The following MYMK variants were observed in gnomAD, a reference collection of about 807,000 sequenced individuals.
MYMK encodes protein myomaker.
A neutral mutation model predicts 22.4 loss-of-function variants in MYMK; 16 were observed. That is an observed-to-expected ratio of 0.72 (90% confidence interval 0.48 to 1.09). The LOEUF (loss-of-function observed/expected upper bound fraction) is 1.09, where lower values mean the gene tolerates loss of function less well. MYMK is among the 50% of genes least tolerant of loss of function. MYMK has a pLI of 0.00. For synonymous variants in MYMK, 125 were observed against 127.0 expected (o/e 0.98, Z 0.11); for missense variants, 250 against 295.6 (o/e 0.85, Z 1.13).
Position 133,515,288 on chromosome 9 carries a change from C to A in MYMK, c.516+203G>T, listed in dbSNP as rs1220399027. Among the ~76,000 whole-genome samples the A allele has an allele frequency of 6.6e-6, 1 of 152,186 alleles. No individual in the cohort carries two copies. Among genetic ancestry groups the A allele is most frequent in the South Asian group, 2.1e-4 (1 of 4,826 alleles). The stretch of plus-strand genomic sequence containing the variant: ...GGTCTCTGTGACCTCCAGGTCCACA[C>A]AGGCCATGGTGCTGGTGGTGCTGGG... On this transcript the variant is annotated intron_variant, in intron 4 of 4. Transcript: ENST00000339996. The surrounding 1 kb of genome is among the most constrained non-coding windows in gnomAD (Gnocchi z 5.8).
intron 3 of MYMK, among the ~76,000 whole-genome samples, chr9:133,518,192 CTT>C (rs1421043935): frequency 1.3e-5 from 2 of 152,174 alleles, no homozygotes; most frequent in African/African-American, 4.8e-5. Flanking sequence ...CCCTCTTTAG[CTT>C]GGGCGAGTTT....
intron 1 of MYMK, among the ~76,000 whole-genome samples, chr9:133,522,904 G>A (rs892522795): frequency 6.6e-6 from 1 of 152,324 alleles, no homozygotes; most frequent in Middle Eastern, 3.4e-3. Context: ...TGTCTCTCTG[G>A]GATTTGGTTT....
chr9:133,517,596 G>T (rs929838104), intron 3 of MYMK, among the ~76,000 whole-genome samples: 2 of 151,938 alleles, frequency 1.3e-5, no homozygotes, highest in African/African-American at 4.8e-5. Context: ...AACCCGGGAG[G>T]CGGAGGTTGC....
rs1252906991 is a variant in MYMK, at chr9:133,514,791, G to C, written c.517-6C>G. 6.2e-7 allele frequency: 1 copy of C among 1,612,716 alleles called. No homozygotes were observed. Among genetic ancestry groups the C allele is most frequent in the South Asian group, 1.1e-5 (1 of 90,994 alleles). On this transcript the variant is annotated splice_region_variant and splice_polypyrimidine_tract_variant and intron_variant, in intron 4 of 4. Coordinates refer to ENST00000339996, the MANE Select transcript of MYMK (RefSeq NM_001080483.3). ...ACATAAGTGTAGTCCCAGTCCTGCG[G>C]GGGGCAAGCGGTCAGTCTGGGGCCT...
chr9:133,515,325 C>T lies in MYMK; in HGVS notation c.516+166G>A, dbSNP rs1844617690. Among the ~76,000 whole-genome samples, 1 of 152,190 alleles carries T rather than the reference C, an allele frequency of 6.6e-6. No individual in the cohort carries two copies. Among genetic ancestry groups the T allele is most frequent in the Non-Finnish European group, 1.5e-5 (1 of 68,026 alleles). On this transcript the variant is annotated intron_variant, in intron 4 of 4. Coordinates refer to ENST00000339996, the MANE Select transcript of MYMK (RefSeq NM_001080483.3). This position sits in a 1 kb window ranked among gnomAD's most constrained non-coding sequence, Gnocchi z 5.8. ...CTGGTGGTGCTGGGGACGGCATTGC[C>T]CCCGACATAGCCCTGGGAGGGGCTA... is the stretch of plus-strand genomic sequence containing the variant.
At position 133,515,967 on chromosome 9, in the gene MYMK, C is replaced by T. The variant is rs1394838810; in HGVS notation, c.400-360G>A. On this transcript the variant is annotated intron_variant, in intron 3 of 4. Transcript: ENST00000339996. The surrounding 1 kb of genome is among the most constrained non-coding windows in gnomAD (Gnocchi z 5.8). ...GGGACTAGACTCCATGATTGCTTAC[C>T]AAGGAAAGTACTGGAGTACTTGGGA... 6.6e-6 allele frequency among the ~76,000 whole-genome samples: 1 copy of T among 152,230 alleles called. No homozygotes were observed. The highest frequency in any genetic ancestry group is 1.5e-5 in the Non-Finnish European group (1 of 68,036).
chr9:133,523,075 C>T (rs1465447541), intron 1 of MYMK, among the ~76,000 whole-genome samples: 3 of 152,232 alleles, frequency 2.0e-5, no homozygotes, highest in Non-Finnish European at 4.4e-5. Flanking sequence ...ACAAAGGACC[C>T]AGCCTGTCCC....
chr9:133,518,360 C>A (rs1018455749), intron 3 of MYMK, among the ~76,000 whole-genome samples: 1 of 152,204 alleles, frequency 6.6e-6, no homozygotes, highest in Non-Finnish European at 1.5e-5. Context: ...ACTCTCCCTC[C>A]TGGCTAGAAC....
Position 133,520,168 on chromosome 9 carries a change from A to G in MYMK, c.250+6T>C. 3 of 1,609,654 alleles carry G rather than the reference A, an allele frequency of 1.9e-6. No individual in the cohort carries two copies. Among genetic ancestry groups the G allele is most frequent in the Non-Finnish European group, 2.6e-6 (3 of 1,176,150 alleles). On this transcript the variant is annotated splice_donor_region_variant and intron_variant, in intron 2 of 4. Transcript: ENST00000339996. The stretch of plus-strand genomic sequence containing the variant: ...CAAGGCTTGTCTGCAGGGGTTGACC[A>G]CTCACCCATCAGCGAGACCCACATG...
chr9:133,514,904 A>C, intron 4 of MYMK, 119 bp from the exon 5 acceptor site: 1 of 1,156,546 alleles, frequency 8.6e-7, no homozygotes, highest in South Asian at 1.6e-5. Flanking sequence ...GGACACCTGC[A>C]GGAAGCCTCC....
rs1487591244 is a variant in MYMK, at chr9:133,524,859, G to A, written c.-15C>T. 1.3e-6 allele frequency: 2 copies of A among 1,597,030 alleles called. No homozygotes were observed. Among genetic ancestry groups the A allele is most frequent in the East Asian group, 2.2e-5 (1 of 44,676 alleles). On this transcript the variant is annotated 5_prime_UTR_variant, in exon 1 of 5. Transcript: ENST00000339996. ...AGCGTCCCCATGGGCCAGGAGGAAAGCACTGGCTGGGGTGGGGAGGGTGCT... is the reference window on the plus strand; with the variant it reads ...AGCGTCCCCATGGGCCAGGAGGAAAACACTGGCTGGGGTGGGGAGGGTGCT...
In MYMK at chr9:133,515,437, A is replaced by T; in HGVS notation, c.516+54T>A. The stretch of plus-strand genomic sequence containing the variant: ...CAGCCCTGGTATCCCAGCTGAGCAG[A>T]GCCATGCCGAGTGGGCTCTGGGGCA... On this transcript the variant is annotated intron_variant, in intron 4 of 4. Coordinates refer to ENST00000339996, the MANE Select transcript of MYMK (RefSeq NM_001080483.3). This position sits in a 1 kb window ranked among gnomAD's most constrained non-coding sequence, Gnocchi z 5.8. 1 of 1,242,998 alleles carries T rather than the reference A, an allele frequency of 8.0e-7. No homozygotes were observed. The highest frequency in any genetic ancestry group is 1.2e-6 in the Non-Finnish European group (1 of 849,062). 77.0% of individuals were successfully genotyped at this position (1,242,998 alleles called of 1,614,324 possible).
chr9:133,519,476 C>T (rs1034746131), intron 2 of MYMK, among the ~76,000 whole-genome samples: 4 of 152,110 alleles, frequency 2.6e-5, no homozygotes, highest in Non-Finnish European at 5.9e-5. Context: ...GGGAGGATGG[C>T]TTGAGGCTGT....
chr9:133,524,283 C>A (rs1844735721), intron 1 of MYMK, among the ~76,000 whole-genome samples: 1 of 152,190 alleles, frequency 6.6e-6, no homozygotes, highest in Admixed American at 6.5e-5. Flanking sequence ...CTGCAGACCC[C>A]TTCCCAGGCC....
chr9:133,519,835 G>C (rs1408597547), intron 2 of MYMK, among the ~76,000 whole-genome samples: 1 of 152,180 alleles, frequency 6.6e-6, no homozygotes, highest in African/African-American at 2.4e-5. Context: ...CAACCCCCCT[G>C]AGCAGTGAAC....
chr9:133,518,233 G>A lies in MYMK; in HGVS notation c.399+641C>T, dbSNP rs183182840. On this transcript the variant is annotated intron_variant, in intron 3 of 4. Coordinates refer to ENST00000339996, the MANE Select transcript of MYMK (RefSeq NM_001080483.3). ...TGGGGTTTGGTCCCTGAGCCAGGAGGGTCTTGGTAGGACGGAGAGAGCAGG... is the reference window on the plus strand; with the variant it reads ...TGGGGTTTGGTCCCTGAGCCAGGAGAGTCTTGGTAGGACGGAGAGAGCAGG... Among the ~76,000 whole-genome samples, 278 of 152,310 alleles carry A rather than the reference G, an allele frequency of 1.8e-3. 1 individual carries two copies. Among genetic ancestry groups the A allele is most frequent in the Non-Finnish European group, 3.1e-3 (208 of 68,032 alleles).
At chr9:133,522,999 G>A (rs1427673485) in intron 1 of MYMK, among the ~76,000 whole-genome samples, 1 of 152,206 alleles carries the variant, frequency 6.6e-6, no homozygotes, top group Non-Finnish European at 1.5e-5. Context: ...AGAGCGCCTA[G>A]CCGAGTCCTC....
chr9:133,515,543 C>A lies in MYMK; in HGVS notation c.464G>T (p.Gly155Val), dbSNP rs1392980601. 2.5e-6 allele frequency: 4 copies of A among 1,613,938 alleles called. No homozygotes were observed. In the African/African-American group the frequency reaches 4.0e-5, roughly 16 times the overall value. The change falls in exon 4 of 5, where the codon GGC (glycine) becomes GTC (valine). Residue 155 changes from glycine to valine, a missense_variant. By Grantham distance (109) the Gly-to-Val change is moderately radical. Transcript: ENST00000339996. The surrounding 1 kb of genome is among the most constrained non-coding windows in gnomAD (Gnocchi z 5.8). ...PDKSVYTQQI[G>V]PGLCFGALAL... ...CAGCGCCCCGAAGCAGAGGCCGGGG[C>A]CTATCTGCTGGGTGTAGACGCTCTT...
chr9:133,524,559 T>C, intron 1 of MYMK, 151 bp downstream of exon 1: 1 of 1,147,168 alleles, frequency 8.7e-7, no homozygotes, highest in Non-Finnish European at 1.2e-6. Context: ...TAGTCCTCTC[T>C]CTTCAGTCTC....
Sources: allele counts gnomAD v4.1 joint callset (sites outside exome capture counted in the v4.1 genomes callset), GRCh38; gene constraint gnomAD v4.1.1; non-coding constraint Gnocchi (gnomAD v3.1); transcripts MANE v1.5; gene names NCBI Gene and HGNC (gene_info 2026-07-23, HGNC 2026-07-21).